Variants in TMEM232 observed in about 807,000 individuals in gnomAD.
The protein encoded by TMEM232 is transmembrane protein 232.
Under a neutral mutation model 78.8 loss-of-function variants are expected in TMEM232, and 80 were observed. The observed-to-expected ratio is 1.01, with a 90% CI of 0.85 to 1.22. The LOEUF (loss-of-function observed/expected upper bound fraction) is 1.22. Ranked by LOEUF, TMEM232 falls within the 50% of genes most tolerant of loss-of-function variation. The pLI is 0.00. For missense variants in TMEM232, 881 were observed against 742.2 expected, an observed-to-expected ratio of 1.19 and a Z score of -2.17; for synonymous variants, 297 against 254.3, an observed-to-expected ratio of 1.17 and a Z score of -1.60.
intron 1 of TMEM232, among the ~76,000 whole-genome samples, chr5:110,719,805 C>G (rs1321823529): frequency 1.3e-5 from 2 of 152,102 alleles, no homozygotes; most frequent in African/African-American, 2.4e-5. Context: ...TTTCTCTACT[C>G]TCTCTGTTAA....
chr5:110,557,403 C>A (rs1234359744), intron 11 of TMEM232, among the ~76,000 whole-genome samples: 2 of 152,116 alleles, frequency 1.3e-5, no homozygotes, highest in East Asian at 3.9e-4. Context: ...GGTTAAGAAC[C>A]ATTGCTGGAG....
At chr5:110,478,152 T>A (rs961449186) in intron 12 of TMEM232, among the ~76,000 whole-genome samples, 1 of 151,980 alleles carries the variant, frequency 6.6e-6, no homozygotes, top group Non-Finnish European at 1.5e-5. Context: ...GCTATGAATT[T>A]TTCCTGCGTT....
chr5:110,432,675 CAT>C (rs1418510599), intron 12 of TMEM232, among the ~76,000 whole-genome samples: 1 of 151,656 alleles, frequency 6.6e-6, no homozygotes, highest in Non-Finnish European at 1.5e-5. Context: ...ACTTACAAGA[CAT>C]AAAGTTGCAA....
At chr5:110,678,892 A>T (rs1792363161) in intron 1 of TMEM232, among the ~76,000 whole-genome samples, 1 of 152,162 alleles carries the variant, frequency 6.6e-6, no homozygotes, top group Non-Finnish European at 1.5e-5. Flanking sequence ...ATATTCTACC[A>T]TACTGATGTA....
chr5:110,416,009 A>T (rs1452479843), downstream of TMEM232, among the ~76,000 whole-genome samples: 1 of 152,212 alleles, frequency 6.6e-6, no homozygotes, highest in Non-Finnish European at 1.5e-5. Context: ...AAAAAATAAC[A>T]AGCCAAATTA....
At chr5:110,703,639 G>C (rs1347851089) in intron 1 of TMEM232, among the ~76,000 whole-genome samples, 1 of 151,960 alleles carries the variant, frequency 6.6e-6, no homozygotes, top group African/African-American at 2.4e-5. Flanking sequence ...TTTTCTTGTA[G>C]AACAGCCACT....
intron 12 of TMEM232, among the ~76,000 whole-genome samples, chr5:110,507,176 C>G (rs926997255): frequency 4.6e-5 from 7 of 152,122 alleles, no homozygotes; most frequent in Non-Finnish European, 8.8e-5. Context: ...GTATCTGAAA[C>G]TGAACAATAT....
intron 12 of TMEM232, among the ~76,000 whole-genome samples, chr5:110,452,724 G>A (rs544012980): frequency 5.3e-5 from 8 of 152,310 alleles, no homozygotes; most frequent in Admixed American, 5.2e-4. Context: ...ATTTCTTAAT[G>A]TATAGCCTAG....
At chr5:110,513,029 C>A (rs1338194993) in intron 12 of TMEM232, among the ~76,000 whole-genome samples, 1 of 152,124 alleles carries the variant, frequency 6.6e-6, no homozygotes, top group African/African-American at 2.4e-5. Flanking sequence ...AAAGTGGAAG[C>A]TAAAGCTATT....
chr5:110,655,221 C>T (rs1448500865), intron 2 of TMEM232, among the ~76,000 whole-genome samples: 2 of 151,994 alleles, frequency 1.3e-5, no homozygotes, highest in African/African-American at 2.4e-5. Context: ...AAAAAACAAA[C>T]AACCCCATCA....
intron 12 of TMEM232, among the ~76,000 whole-genome samples, chr5:110,478,986 T>C (rs533379131): frequency 6.7e-6 from 1 of 150,058 alleles, no homozygotes; most frequent in East Asian, 2.0e-4. Context: ...TGATTGGGAC[T>C]TAAAGTGTTA....
chr5:110,694,401 G>A (rs183711735), intron 1 of TMEM232, among the ~76,000 whole-genome samples: 1 of 152,166 alleles, frequency 6.6e-6, no homozygotes, highest in South Asian at 2.1e-4. Context: ...ATCAACTAAC[G>A]AGCAAAATGA....
chr5:110,611,006 T>C (rs1005384582), intron 8 of TMEM232, among the ~76,000 whole-genome samples: 5 of 152,106 alleles, frequency 3.3e-5, no homozygotes, highest in Non-Finnish European at 7.4e-5. Context: ...TAGTGTTAAA[T>C]GGCTGCAGGT....
chr5:110,430,806 C>A (rs999527913), intron 12 of TMEM232, among the ~76,000 whole-genome samples: 1 of 151,634 alleles, frequency 6.6e-6, no homozygotes, highest in African/African-American at 2.4e-5. Flanking sequence ...AATGACCTGA[C>A]AGATAACAAA....
chr5:110,412,593 T>C (rs1756040500), intron 2 of TMEM232, among the ~76,000 whole-genome samples: 1 of 151,730 alleles, frequency 6.6e-6, no homozygotes, highest in Admixed American at 6.6e-5. Context: ...AGAATAACAA[T>C]GACAAGAAGA....
At chr5:110,591,118 A>C (rs1447522504) in intron 10 of TMEM232, among the ~76,000 whole-genome samples, 1 of 152,162 alleles carries the variant, frequency 6.6e-6, no homozygotes, top group Non-Finnish European at 1.5e-5. Flanking sequence ...CCATGATTTA[A>C]ATTGTTTCTT....
chr5:110,627,042 C>T (rs1354756241), intron 6 of TMEM232, among the ~76,000 whole-genome samples: 1 of 152,036 alleles, frequency 6.6e-6, no homozygotes, highest in East Asian at 1.9e-4. Context: ...TTCCCTAGTT[C>T]CAAACCTGTT....
chr5:110,642,412 C>A (rs1438112928), intron 2 of TMEM232, 41 bp from the exon 3 acceptor site: 26 of 1,363,316 alleles, frequency 1.9e-5, no homozygotes, highest in Non-Finnish European at 2.5e-5. Context: ...AAAAGTATAG[C>A]TATCACTTCC....
At position 110,708,041 on chromosome 5, in the gene TMEM232, G is replaced by A. The variant is rs527864651; in HGVS notation, c.-13+18586C>T. ...AGGTATTACGCCATGAGCCTTGGGT[G>A]AGACTCTAAGACATGCTGACTCCAG... On this transcript the variant is annotated intron_variant, in intron 1 of 13. Coordinates refer to ENST00000455884, the MANE Select transcript of TMEM232 (RefSeq NM_001039763.4). 1.8e-4 allele frequency among the ~76,000 whole-genome samples: 28 copies of A among 152,250 alleles called. 1 individual carries two copies. Among genetic ancestry groups the A allele is most frequent in the Admixed American group, 7.9e-4 (12 of 15,276 alleles).
Sources: gnomAD v4.1 joint callset for allele counts (sites outside exome capture counted in the v4.1 genomes callset) on GRCh38, gnomAD v4.1.1 for gene constraint, MANE v1.5 for transcripts, NCBI Gene and HGNC (gene_info 2026-07-23, HGNC 2026-07-21) for gene names.